Variants in LUC7L2 observed in about 807,000 individuals in gnomAD.
The protein encoded by LUC7L2 is putative RNA-binding protein Luc7-like 2.
LUC7L2 carries 25 observed loss-of-function variants against 52.8 expected under a neutral mutation model. The ratio of observed to expected loss-of-function variants is 0.47; its 90% CI spans 0.34 to 0.66. The LOEUF is 0.66. LUC7L2 is among the 30% of genes least tolerant of loss of function. The pLI is 0.01. For missense variants in LUC7L2, 328 were observed against 497.8 expected, an observed-to-expected ratio of 0.66 and a Z score of 3.25; for synonymous variants, 144 against 160.9, an observed-to-expected ratio of 0.89 and a Z score of 0.80.
chr7:139,371,364 AAACTC>A (rs1204183911), intron 1 of LUC7L2: 2 of 829,180 alleles, frequency 2.4e-6, no homozygotes, highest in Non-Finnish European at 4.1e-6. Context: ...TTACAATACT[AAACTC>A]AGTTCACTTT....
At chr7:139,354,749 T>C (rs1799557868) in intron 1 of LUC7L2, among the ~76,000 whole-genome samples, 1 of 152,218 alleles carries the variant, frequency 6.6e-6, no homozygotes, top group Non-Finnish European at 1.5e-5. Flanking sequence ...AAAAAAGTTT[T>C]GGCTCACAAA....
chr7:139,395,836 C>T (rs955544479), intron 2 of LUC7L2, among the ~76,000 whole-genome samples: 3 of 151,970 alleles, frequency 2.0e-5, no homozygotes, highest in African/African-American at 7.2e-5. Context: ...TTTGTAGAGA[C>T]GGGGTTTTCT....
At chr7:139,341,149 T>G in intron 1 of LUC7L2, 1 of 541,026 alleles carries the variant, frequency 1.8e-6, no homozygotes, top group Non-Finnish European at 2.9e-6. Context: ...TTGTTCTGGG[T>G]TAGAGGTCCT....
chr7:139,364,114 A>G (rs1168870559), intron 1 of LUC7L2, among the ~76,000 whole-genome samples: 2 of 150,632 alleles, frequency 1.3e-5, no homozygotes, highest in Non-Finnish European at 2.9e-5. Context: ...CCTCCCGAGT[A>G]GCTGGGATTA....
intron 2 of LUC7L2, among the ~76,000 whole-genome samples, chr7:139,386,043 C>T (rs1794178490): frequency 1.3e-5 from 2 of 152,044 alleles, no homozygotes; most frequent in South Asian, 4.1e-4. Flanking sequence ...TGATGTGTCT[C>T]CCAGGCTGGA....
At position 139,422,964 on chromosome 7, in the gene LUC7L2, T is replaced by C. The variant is rs1275860299; in HGVS notation, c.*624T>C. 2.5e-6 allele frequency: 1 copy of C among 398,876 alleles called. No individual in the cohort carries two copies. Among genetic ancestry groups the C allele is most frequent in the Non-Finnish European group, 4.4e-6 (1 of 226,062 alleles). 24.7% of individuals were successfully genotyped at this position (398,876 alleles called of 1,614,324 possible). A position where few individuals can be genotyped will look rare whatever the true frequency, so the allele number is the denominator to read the frequency against. On this transcript the variant is annotated 3_prime_UTR_variant, in exon 10 of 10. Transcript: ENST00000354926. ...GTTGCATTACATACTTTTGCTTTTTTATTGAAATTTTGAAATCAAACGTCT... is the reference window on the plus strand; with the variant it reads ...GTTGCATTACATACTTTTGCTTTTTCATTGAAATTTTGAAATCAAACGTCT...
At position 139,360,300 on chromosome 7, in the gene LUC7L2, G is replaced by A. The variant is rs1585071730; in HGVS notation, c.39G>A (p.Gln13=). The change falls in exon 1 of 10, where the codon CAG becomes CAA. Residue 13 remains glutamine, a synonymous_variant. Transcript: ENST00000354926. ...AQAQMRAMLD[Q]LMGTSRDGDT... is the part of the protein sequence containing the mutation. ...CCCAGATGCGCGCGATGCTGGACCA[G>A]TTGATGGGCACCTCCCGGGACGGTA... 3 of 1,573,634 alleles carry A rather than the reference G, an allele frequency of 1.9e-6. No homozygotes were observed. The highest frequency in any genetic ancestry group is 2.4e-5 in the East Asian group (1 of 42,548).
chr7:139,374,482 GC>G, intron 1 of LUC7L2: 1 of 1,550,644 alleles, frequency 6.4e-7, no homozygotes. Flanking sequence ...GTGAGTTATC[GC>G]TAACTTTTCA....
intron 2 of LUC7L2, among the ~76,000 whole-genome samples, chr7:139,379,868 G>A (rs1462008236): frequency 3.3e-5 from 5 of 151,982 alleles, no homozygotes; most frequent in African/African-American, 7.2e-5. Flanking sequence ...GCCTGGTCTG[G>A]CATAACTAAT....
chr7:139,349,128 T>C (rs1291335484), intron 1 of LUC7L2, among the ~76,000 whole-genome samples: 1 of 152,196 alleles, frequency 6.6e-6, no homozygotes, highest in African/African-American at 2.4e-5. Flanking sequence ...CATTCCAGCC[T>C]GGGCAACAGA....
chr7:139,346,189 A>G (rs1799263822), intron 1 of LUC7L2: 1 of 152,078 alleles, frequency 6.6e-6, no homozygotes, highest in South Asian at 2.1e-4. Flanking sequence ...ATGAGCTGAG[A>G]TCGCGCCATG....
rs538178841 is a variant in LUC7L2, at chr7:139,343,130, C to T, written c.-26+2613C>T. Among the ~76,000 whole-genome samples, 6 of 152,244 alleles carry T rather than the reference C, an allele frequency of 3.9e-5. No individual in the cohort carries two copies. The South Asian group carries it at 6.2e-4, about 16-fold the overall frequency. On this transcript the variant is annotated intron_variant, in intron 1 of 10. Coordinates refer to the LUC7L2 transcript ENST00000541170. ...TTTGTCCTCATGATTCAGGCTCAACCGAATCAAGAGCAGTATTCTATCCTA... is the reference window on the plus strand; with the variant it reads ...TTTGTCCTCATGATTCAGGCTCAACTGAATCAAGAGCAGTATTCTATCCTA...
chr7:139,346,624 C>G lies in LUC7L2; in HGVS notation c.-26+6107C>G, dbSNP rs188223431. ...TATTTTATTTTTAACTGGGCAGCCC[C>G]TGAACCAGAATAGGTTACGAGAGAC... On this transcript the variant is annotated intron_variant, in intron 1 of 10. Transcript: ENST00000541170. Among the ~76,000 whole-genome samples the G allele has an allele frequency of 1.2e-4, 18 of 152,218 alleles. No individual in the cohort carries two copies. In the East Asian group the frequency reaches 1.7e-3, roughly 15 times the overall value.
intron 1 of LUC7L2, among the ~76,000 whole-genome samples, chr7:139,373,870 C>T (rs1343913682): frequency 6.6e-6 from 1 of 152,194 alleles, no homozygotes; most frequent in Non-Finnish European, 1.5e-5. Context: ...CATTTAGATA[C>T]TTTTAGCAGG....
At chr7:139,402,954 T>C (rs1178814876) in intron 4 of LUC7L2, among the ~76,000 whole-genome samples, 1 of 152,228 alleles carries the variant, frequency 6.6e-6, no homozygotes, top group Non-Finnish European at 1.5e-5. Context: ...CCAGCATCTC[T>C]ACCCTTGGCA....
intron 2 of LUC7L2, 83 bp downstream of exon 2, chr7:139,376,239 A>C: frequency 3.6e-6 from 5 of 1,398,918 alleles, no homozygotes; most frequent in Non-Finnish European, 5.0e-6. Flanking sequence ...TCTGTGTCAA[A>C]AGAATTGACT....
rs1799791598 is a variant in LUC7L2, at chr7:139,360,222, T to C, written c.-40T>C. 6 of 1,507,638 alleles carry C rather than the reference T, an allele frequency of 4.0e-6. No individual in the cohort carries two copies. Among genetic ancestry groups the C allele is most frequent in the Non-Finnish European group, 5.4e-6 (6 of 1,114,100 alleles). 93.4% of individuals were successfully genotyped at this position (1,507,638 alleles called of 1,614,324 possible). A position where few individuals can be genotyped will look rare whatever the true frequency, so the allele number is the denominator to read the frequency against. ...TCCCCCAGCCCAAAAGGGCCCGGTCTGCGCCCCACCCCCGCCCGTCCGCCC... is the reference window on the plus strand; with the variant it reads ...TCCCCCAGCCCAAAAGGGCCCGGTCCGCGCCCCACCCCCGCCCGTCCGCCC... On this transcript the variant is annotated 5_prime_UTR_variant, in exon 1 of 10. Coordinates refer to ENST00000354926, the MANE Select transcript of LUC7L2 (RefSeq NM_016019.5).
intron 6 of LUC7L2, among the ~76,000 whole-genome samples, chr7:139,409,348 G>A (rs1264329706): frequency 6.6e-6 from 1 of 151,686 alleles, no homozygotes; most frequent in Admixed American, 6.6e-5. Flanking sequence ...ATGGAGAAAG[G>A]TGAAATTTTA....
chr7:139,380,980 C>T (rs1800984262), intron 2 of LUC7L2, among the ~76,000 whole-genome samples: 1 of 152,136 alleles, frequency 6.6e-6, no homozygotes, highest in Non-Finnish European at 1.5e-5. Flanking sequence ...CAAATGTATA[C>T]TCTCATAGTA....
Sources: gnomAD v4.1 joint callset for allele counts (sites outside exome capture counted in the v4.1 genomes callset) on GRCh38, gnomAD v4.1.1 for gene constraint, MANE v1.5 for transcripts, NCBI Gene and HGNC (gene_info 2026-07-23, HGNC 2026-07-21) for gene names.